The following CPEB3 variants were observed in gnomAD, a reference collection of about 807,000 sequenced individuals.
CPEB3 encodes the protein cytoplasmic polyadenylation element-binding protein 3.
In CPEB3, 20 loss-of-function variants were observed where a neutral mutation model predicts 67.2. The observed-to-expected ratio is 0.30, with a 90% confidence interval of 0.21 to 0.43. The LOEUF (loss-of-function observed/expected upper bound fraction) is 0.43. CPEB3 is among the 20% of genes least tolerant of loss of function. The probability of loss-of-function intolerance (pLI) is 1.00; values close to 1 mark genes in which losing one functional copy is unlikely to be tolerated. For missense variants in CPEB3, 746 were observed against 968.6 expected (o/e 0.77, Z 3.05); for synonymous variants, 376 against 393.1 (o/e 0.96, Z 0.51).
intron 3 of CPEB3, among the ~76,000 whole-genome samples, chr10:92,187,024 C>G (rs1403930283): frequency 6.6e-6 from 1 of 152,086 alleles, no homozygotes; most frequent in African/African-American, 2.4e-5. Flanking sequence ...GTATATTTTT[C>G]TGGAACAAAC....
chr10:92,147,199 T>C (rs1390665140), intron 4 of CPEB3, among the ~76,000 whole-genome samples: 1 of 152,184 alleles, frequency 6.6e-6, no homozygotes, highest in African/African-American at 2.4e-5. Context: ...CTCATGCCCA[T>C]AGTCCCAGCA....
At chr10:92,079,094 C>A (rs1474584825) in intron 9 of CPEB3, among the ~76,000 whole-genome samples, 1 of 152,100 alleles carries the variant, frequency 6.6e-6, no homozygotes, top group Non-Finnish European at 1.5e-5. Context: ...TAAATAAGAA[C>A]CCAAAGCTCT....
At chr10:92,248,355 C>T (rs982406422) in intron 1 of CPEB3, among the ~76,000 whole-genome samples, 2 of 152,070 alleles carry the variant, frequency 1.3e-5, no homozygotes, top group African/African-American at 4.8e-5. Context: ...TATTTTTGAT[C>T]TGTGGTTGGT....
intron 2 of CPEB3, among the ~76,000 whole-genome samples, chr10:92,211,403 A>G (rs1457978417): frequency 6.6e-6 from 1 of 152,202 alleles, no homozygotes; most frequent in Non-Finnish European, 1.5e-5. Context: ...TGAAAGTGAG[A>G]AATGAAACAG....
At chr10:92,148,941 C>A (rs1846826047) in intron 4 of CPEB3, among the ~76,000 whole-genome samples, 1 of 148,580 alleles carries the variant, frequency 6.7e-6, no homozygotes. Flanking sequence ...CGCTCTGTCA[C>A]CCAAGCTGAA....
At chr10:92,144,743 T>C (rs1038093963) in intron 5 of CPEB3, among the ~76,000 whole-genome samples, 1 of 152,192 alleles carries the variant, frequency 6.6e-6, no homozygotes, top group Non-Finnish European at 1.5e-5. Context: ...CCTTATTAGA[T>C]AGCTATGAGG....
intron 6 of CPEB3, among the ~76,000 whole-genome samples, chr10:92,130,094 C>G (rs1384903825): frequency 1.3e-5 from 2 of 151,736 alleles, no homozygotes; most frequent in Non-Finnish European, 2.9e-5. Flanking sequence ...TCCAAAGGCA[C>G]TGAAGCCTTT....
chr10:92,233,574 T>TG (rs1272623674), intron 2 of CPEB3, among the ~76,000 whole-genome samples: 1 of 150,260 alleles, frequency 6.7e-6, no homozygotes, highest in Non-Finnish European at 1.5e-5. Flanking sequence ...ACAAACTACT[T>TG]GGAAAAAAAA....
chr10:92,058,805 C>T (rs1273759578), intron 9 of CPEB3, among the ~76,000 whole-genome samples: 1 of 151,954 alleles, frequency 6.6e-6, no homozygotes, highest in African/African-American at 2.4e-5. Flanking sequence ...ATTTAATCTA[C>T]ACTATTGAAC....
At chr10:92,266,239 A>T (rs1365341736) in intron 1 of CPEB3, among the ~76,000 whole-genome samples, 1 of 152,210 alleles carries the variant, frequency 6.6e-6, no homozygotes, top group Non-Finnish European at 1.5e-5. Flanking sequence ...AAACAGACTA[A>T]GACAGCCCAT....
At chr10:92,076,601 A>T (rs1028896906) in intron 9 of CPEB3, among the ~76,000 whole-genome samples, 28 of 143,026 alleles carry the variant, frequency 2.0e-4, no homozygotes, top group Non-Finnish European at 3.7e-4. Context: ...GTGTGTAGAG[A>T]TGGGGTCTCC....
At chr10:92,145,195 GAA>G in intron 4 of CPEB3, 110 bp from the exon 5 acceptor site, 1 of 1,222,254 alleles carries the variant, frequency 8.2e-7, no homozygotes, top group Non-Finnish European at 1.1e-6. Flanking sequence ...AGTGCAGAGA[GAA>G]GCATACAAAA....
At chr10:92,288,454 CAAA>C (rs367876455) in intron 1 of CPEB3, among the ~76,000 whole-genome samples, 4 of 112,994 alleles carry the variant, frequency 3.5e-5, no homozygotes, top group African/African-American at 7.0e-5. Flanking sequence ...GACTCTGTCT[CAAA>C]AAAAAAAAAA....
In CPEB3 at chr10:92,141,883, C is replaced by T. The variant is rs1311747489; in HGVS notation, c.1453+1146G>A. Among the ~76,000 whole-genome samples, 8 of 150,376 alleles carry T rather than the reference C, an allele frequency of 5.3e-5. No homozygotes were observed. In the East Asian group the frequency reaches 9.7e-4, roughly 18 times the overall value. ...AATACAAAAAATGAGCCGGGCGTGGCGGCAGGAGCCTGTAGTCCCAGCTAC... is the reference window on the plus strand; with the variant it reads ...AATACAAAAAATGAGCCGGGCGTGGTGGCAGGAGCCTGTAGTCCCAGCTAC... On this transcript the variant is annotated intron_variant, in intron 6 of 9. Transcript: ENST00000265997.
intron 9 of CPEB3, among the ~76,000 whole-genome samples, chr10:92,066,284 G>C (rs1299741449): frequency 6.6e-6 from 1 of 152,022 alleles, no homozygotes; most frequent in Non-Finnish European, 1.5e-5. Context: ...AAAAATTAAG[G>C]GTTGTCTGGG....
Position 92,141,788 on chromosome 10 carries a change from G to A in CPEB3, c.1453+1241C>T, listed in dbSNP as rs373998187. Among the ~76,000 whole-genome samples the A allele has an allele frequency of 2.0e-3, 298 of 151,202 alleles. 1 individual carries two copies. The highest frequency in any genetic ancestry group is 6.7e-3 in the African/African-American group (278 of 41,438). On this transcript the variant is annotated intron_variant, in intron 6 of 9. Transcript: ENST00000265997. ...AATCCCAGCACTTTGGGAGGCCAAG[G>A]CAGGCGGATCACGAGGTCAGGAGAG...
chr10:92,149,190 T>C (rs776193897), intron 4 of CPEB3, among the ~76,000 whole-genome samples: 89 of 152,222 alleles, frequency 5.8e-4, no homozygotes, highest in Non-Finnish European at 1.0e-3. Flanking sequence ...TGTGAGCCAC[T>C]GTGCCCAGCT....
chr10:92,100,187 A>AT (rs1178308488), intron 7 of CPEB3, among the ~76,000 whole-genome samples: 1 of 152,092 alleles, frequency 6.6e-6, no homozygotes, highest in Non-Finnish European at 1.5e-5. Context: ...AGAAAACACA[A>AT]TTTTTTGTTT....
intron 4 of CPEB3, among the ~76,000 whole-genome samples, chr10:92,160,775 A>C (rs2133948022): frequency 6.6e-6 from 1 of 152,348 alleles, no homozygotes. Flanking sequence ...GTCTTCAACC[A>C]CTAAACATCC....
Sources: allele counts gnomAD v4.1 joint callset (sites outside exome capture counted in the v4.1 genomes callset), GRCh38; gene constraint gnomAD v4.1.1; transcripts MANE v1.5; gene names NCBI Gene and HGNC (gene_info 2026-07-23, HGNC 2026-07-21).